GARNL3: variants seen among roughly 807,000 people sequenced by gnomAD.
GARNL3 encodes the protein GTPase activating Rap/RanGAP domain like 3, also known as GTPase-activating Rap/Ran-GAP domain-like protein 3.
Under a neutral mutation model 125.0 loss-of-function variants are expected in GARNL3, and 63 were observed. The observed-to-expected ratio is 0.50, with a 90% CI of 0.41 to 0.62. GARNL3 has a LOEUF of 0.62. Among genes scored for constraint, GARNL3 ranks in the 20% least tolerant of loss-of-function variants. The pLI is 0.00. For missense variants in GARNL3, 994 were observed against 1,244.0 expected (o/e 0.80, Z 3.02); for synonymous variants, 439 against 457.5 (o/e 0.96, Z 0.52).
intron 7 of GARNL3, among the ~76,000 whole-genome samples, chr9:127,326,762 G>A (rs903866890): frequency 2.0e-5 from 3 of 152,066 alleles, no homozygotes; most frequent in Admixed American, 1.3e-4. Flanking sequence ...AGGTCATGAG[G>A]GGGGAGCCCT....
In GARNL3 at chr9:127,354,284, A is replaced by C; in HGVS notation, c.1643-10A>C. On this transcript the variant is annotated splice_polypyrimidine_tract_variant and intron_variant, in intron 18 of 27. Transcript: ENST00000373387. ...TTTAATCTCCTCCTCTGTCTTTTTT[A>C]TGTCACCAGGAAAAGATGCTCGCCT... 1 of 1,602,358 alleles carries C rather than the reference A, an allele frequency of 6.2e-7. No individual in the cohort carries two copies.
chr9:127,293,711 C>T (rs1437184009), intron 2 of GARNL3, among the ~76,000 whole-genome samples: 1 of 152,106 alleles, frequency 6.6e-6, no homozygotes, highest in African/African-American at 2.4e-5. Context: ...CTATGCTCCT[C>T]ATGTAATGTG....
intron 22 of GARNL3, chr9:127,367,404 G>A (rs1831343258): frequency 6.6e-6 from 1 of 152,146 alleles, no homozygotes; most frequent in Non-Finnish European, 1.5e-5. Flanking sequence ...TAAACTTTAT[G>A]TGGAGGAATT....
chr9:127,247,213 C>T lies in GARNL3; in HGVS notation c.143+3964C>T, dbSNP rs2812292. Among the ~76,000 whole-genome samples, 8 of 152,116 alleles carry T rather than the reference C, an allele frequency of 5.3e-5. 1 individual carries two copies. The highest frequency in any genetic ancestry group is 1.2e-4 in the Non-Finnish European group (8 of 68,032). ...AGACAGGCAAGTGGTGGTTTGATGT[C>T]TGCTTTAGAAAATTAGTTTCACTGT... On this transcript the variant is annotated intron_variant, in intron 2 of 10. Coordinates refer to the GARNL3 transcript ENST00000439286.
chr9:127,274,187 T>C (rs1368185490), intron 1 of GARNL3, among the ~76,000 whole-genome samples: 2 of 152,218 alleles, frequency 1.3e-5, no homozygotes, highest in African/African-American at 4.8e-5. Flanking sequence ...CCTACCCTAC[T>C]TTTTGATACA....
Position 127,333,017 on chromosome 9 carries a change from C to A in GARNL3, c.671-6C>A. Reference sequence around the variant, plus strand: ...TACTTTCCTCATACTCTACTTCTTCCTGCAGAAATTGGAAGCGAGCCTTTT... The same window carrying A: ...TACTTTCCTCATACTCTACTTCTTCATGCAGAAATTGGAAGCGAGCCTTTT... On this transcript the variant is annotated splice_polypyrimidine_tract_variant and splice_region_variant and intron_variant, in intron 8 of 27. Transcript: ENST00000373387. The A allele has an allele frequency of 1.2e-6, 2 of 1,603,016 alleles. No individual in the cohort carries two copies. The highest frequency in any genetic ancestry group is 1.7e-6 in the Non-Finnish European group (2 of 1,169,892).
At chr9:127,225,637 C>T (rs1449995190) in intron 1 of GARNL3, among the ~76,000 whole-genome samples, 1 of 151,336 alleles carries the variant, frequency 6.6e-6, no homozygotes, top group Non-Finnish European at 1.5e-5. Flanking sequence ...CAGTGGCAGG[C>T]CCCGCACGCC....
chr9:127,285,243 C>T (rs754242883), intron 1 of GARNL3, among the ~76,000 whole-genome samples: 5 of 152,138 alleles, frequency 3.3e-5, no homozygotes, highest in Non-Finnish European at 7.4e-5. Context: ...ACCAGCCTGA[C>T]CAACATGGAG....
chr9:127,257,146 T>G (rs1288682148), intron 2 of GARNL3, among the ~76,000 whole-genome samples: 1 of 152,242 alleles, frequency 6.6e-6, no homozygotes, highest in Non-Finnish European at 1.5e-5. Context: ...GTGGTGTGGA[T>G]GTACCACAGT....
At chr9:127,279,905 G>T (rs905621580) in intron 1 of GARNL3, among the ~76,000 whole-genome samples, 1 of 152,100 alleles carries the variant, frequency 6.6e-6, no homozygotes, top group Non-Finnish European at 1.5e-5. Context: ...CTGGCTGGCT[G>T]GAGATTATAC....
intron 16 of GARNL3, 72 bp from the exon 17 acceptor site, chr9:127,348,852 C>T (rs1830279550): frequency 2.0e-6 from 2 of 1,002,950 alleles, no homozygotes; most frequent in African/African-American, 3.2e-5. Context: ...TGGTACTGTA[C>T]ATTTCCATTT....
intron 22 of GARNL3, among the ~76,000 whole-genome samples, chr9:127,370,692 TC>T (rs1288465129): frequency 6.6e-6 from 1 of 152,212 alleles, no homozygotes; most frequent in Admixed American, 6.5e-5. Context: ...CCAGCTTCTG[TC>T]CCATCTTCTT....
intron 1 of GARNL3, among the ~76,000 whole-genome samples, chr9:127,225,007 G>C: frequency 6.8e-6 from 1 of 147,406 alleles, no homozygotes; most frequent in African/African-American, 2.5e-5. Flanking sequence ...GGGCCGGGGC[G>C]GGGCCTGTAA....
chr9:127,387,360 A>G (rs777252023), intron 25 of GARNL3, 29 bp downstream of exon 25: 8 of 1,581,236 alleles, frequency 5.1e-6, no homozygotes, highest in African/African-American at 4.1e-5. Flanking sequence ...TGTTTTATTA[A>G]TATTTGTAAT....
In GARNL3 at chr9:127,345,411, A is replaced by G. The variant is rs1830083653; in HGVS notation, c.1365A>G (p.Lys455=). 1 of 1,604,310 alleles carries G rather than the reference A, an allele frequency of 6.2e-7. No individual in the cohort carries two copies. The highest frequency in any genetic ancestry group is 1.1e-5 in the South Asian group (1 of 89,088). Residue 455 remains lysine, a synonymous_variant, in exon 16 of 28, where the codon AAA becomes AAG. Transcript: ENST00000373387. The part of the protein sequence containing the change: ...AEFVRIGQAL[K]LKSIVRGDAP... ...GATCTCTGTTCTGTAAGGCACTAAAACTGAAATCCATTGTGAGAGGGGATG... is the reference window on the plus strand; with the variant it reads ...GATCTCTGTTCTGTAAGGCACTAAAGCTGAAATCCATTGTGAGAGGGGATG...
chr9:127,243,458 G>A (rs1214664168), intron 2 of GARNL3, among the ~76,000 whole-genome samples: 2 of 152,192 alleles, frequency 1.3e-5, no homozygotes, highest in Non-Finnish European at 2.9e-5. Context: ...CAGGTCCTGT[G>A]TCAGACATTA....
chr9:127,255,461 T>C (rs1011304996), intron 2 of GARNL3, among the ~76,000 whole-genome samples: 18 of 152,192 alleles, frequency 1.2e-4, no homozygotes, highest in African/African-American at 4.3e-4. Context: ...AATGAGTAAG[T>C]ACATAGTATA....
intron 17 of GARNL3, among the ~76,000 whole-genome samples, chr9:127,353,089 A>G (rs1042155935): frequency 1.3e-5 from 2 of 152,184 alleles, no homozygotes; most frequent in East Asian, 3.8e-4. Context: ...AATTGTTAGC[A>G]ACTTAGATTC....
In GARNL3 at chr9:127,264,799, T is replaced by C. The variant is rs932652125; in HGVS notation, c.-79T>C. ...AGGCTCTGCAATGGCTGCTGGGGAC[T>C]GTGTCTGTTGCAAGGAGGCTCCCCT... On this transcript the variant is annotated 5_prime_UTR_variant, in exon 1 of 28. Transcript: ENST00000373387. 2 of 1,352,494 alleles carry C rather than the reference T, an allele frequency of 1.5e-6. No individual in the cohort carries two copies. Among genetic ancestry groups the C allele is most frequent in the East Asian group, 2.8e-5 (1 of 35,532 alleles). The allele number at this position is 1,352,494 out of a possible 1,614,324, so 83.8% of individuals were successfully genotyped here.
Sources: gnomAD v4.1 joint callset for allele counts (sites outside exome capture counted in the v4.1 genomes callset) on GRCh38, gnomAD v4.1.1 for gene constraint, MANE v1.5 for transcripts, NCBI Gene and HGNC (gene_info 2026-07-23, HGNC 2026-07-21) for gene names.